CACNA1E: variants seen among roughly 807,000 people sequenced by gnomAD.
The protein encoded by CACNA1E is calcium voltage-gated channel subunit alpha1 E.
Under a neutral mutation model 259.2 loss-of-function variants are expected in CACNA1E, and 40 were observed. The observed-to-expected ratio is 0.15, with a 90% CI of 0.12 to 0.20. CACNA1E has a LOEUF of 0.20. CACNA1E is among the 10% of genes least tolerant of loss of function. The probability of loss-of-function intolerance (pLI) is 1.00; values close to 1 mark genes in which losing one functional copy is unlikely to be tolerated. For synonymous variants in CACNA1E, 1,104 were observed against 1,138.5 expected (o/e 0.97, Z 0.61); for missense variants, 1,874 against 3,040.1 (o/e 0.62, Z 9.02).
chr1:181,358,711 A>T (rs550388667), intron 1 of CACNA1E, among the ~76,000 whole-genome samples: 3 of 152,240 alleles, frequency 2.0e-5, no homozygotes, highest in African/African-American at 7.2e-5. Context: ...GCTCTGCTTT[A>T]TTCATAATGA....
chr1:181,633,975 C>T (rs1027023259), intron 6 of CACNA1E, among the ~76,000 whole-genome samples: 1 of 152,178 alleles, frequency 6.6e-6, no homozygotes, highest in Non-Finnish European at 1.5e-5. Flanking sequence ...ACAGAGATAA[C>T]CTGTCCAGGT....
intron 6 of CACNA1E, among the ~76,000 whole-genome samples, chr1:181,600,792 T>C (rs946374700): frequency 3.3e-5 from 5 of 152,108 alleles, no homozygotes; most frequent in African/African-American, 1.2e-4. Flanking sequence ...GACATCTGAG[T>C]CTGGAGCTGG....
chr1:181,711,193 T>C (rs1653325147), intron 8 of CACNA1E, 124 bp downstream of exon 8: 7 of 685,452 alleles, frequency 1.0e-5, no homozygotes, highest in Non-Finnish European at 1.8e-5. Flanking sequence ...CTCTGGATGC[T>C]TGGTTGGCTC....
At chr1:181,482,757 T>A (rs1288950600), upstream of CACNA1E, among the ~76,000 whole-genome samples, 1 of 152,246 alleles carries the variant, frequency 6.6e-6, no homozygotes, top group African/African-American at 2.4e-5. Flanking sequence ...TGTGGACAAG[T>A]GTGGTGCCAG....
At chr1:181,405,135 A>G (rs1176675736) in intron 1 of CACNA1E, among the ~76,000 whole-genome samples, 4 of 152,210 alleles carry the variant, frequency 2.6e-5, no homozygotes, top group African/African-American at 9.6e-5. Context: ...CCATAACTTT[A>G]CTGCAGTACC....
intron 1 of CACNA1E, among the ~76,000 whole-genome samples, chr1:181,328,063 C>T (rs892091054): frequency 6.6e-6 from 1 of 152,208 alleles, no homozygotes; most frequent in Non-Finnish European, 1.5e-5. Context: ...GTTTCAGAAG[C>T]AAGTGTCTTT....
intron 3 of CACNA1E, among the ~76,000 whole-genome samples, chr1:181,577,382 G>C (rs16857712): frequency 0.12 from 18,807 of 152,086 alleles, 1,425 homozygotes; most frequent in South Asian, 0.22. Flanking sequence ...GGGAACCTAA[G>C]AAAATTTTGA....
rs776066299 is a variant in CACNA1E at position 181,756,984 on chromosome 1, G to A, written c.4187G>A (p.Arg1396His). ...GACCGAGGCCCAAGCCGCAGCAACC[G>A]CATGGAGATGTCTATCTTTTATGTA... Reference protein sequence around the residue: ...EEDRGPSRSNRMEMSIFYVVY... With the variant: ...EEDRGPSRSNHMEMSIFYVVY... The change falls in exon 30 of 48, where the codon CGC (arginine) becomes CAC (histidine). Residue 1396 changes from arginine (R) to histidine (H), a missense_variant. Arg to His is a conservative substitution (Grantham distance 29). Transcript: ENST00000367573. The A allele has an allele frequency of 5.0e-6, 8 of 1,613,584 alleles. No individual in the cohort carries two copies. Among genetic ancestry groups the A allele is most frequent in the South Asian group, 1.1e-5 (1 of 91,080 alleles).
At chr1:181,475,938 T>C (rs2102429760) in intron 2 of CACNA1E, among the ~76,000 whole-genome samples, 1 of 151,942 alleles carries the variant, frequency 6.6e-6, no homozygotes, top group Admixed American at 6.5e-5. Flanking sequence ...AAGGATATAA[T>C]CTTGAAGGGA....
rs1194764331 is a variant in CACNA1E, at chr1:181,485,111, T to G, written c.266+1101T>G. On this transcript the variant is annotated intron_variant, in intron 1 of 47. Transcript: ENST00000367573. This position sits in a 1 kb window ranked among gnomAD's most constrained non-coding sequence, Gnocchi z 4.2. ...GGCAAGCTAGTGGTCTGGCGTTAAA[T>G]ATGGGGATGGGGTTGGAGACATGGG... 6.6e-6 allele frequency among the ~76,000 whole-genome samples: 1 copy of G among 152,322 alleles called. No homozygotes were observed. Among genetic ancestry groups the G allele is most frequent in the South Asian group, 2.1e-4 (1 of 4,828 alleles).
chr1:181,618,868 C>CT (rs1360833471), intron 6 of CACNA1E, among the ~76,000 whole-genome samples: 2 of 152,162 alleles, frequency 1.3e-5, no homozygotes, highest in Admixed American at 6.5e-5. Flanking sequence ...TTATGTTACA[C>CT]TTTAAGTTGT....
intron 6 of CACNA1E, among the ~76,000 whole-genome samples, chr1:181,594,214 A>T (rs1652938913): frequency 6.6e-6 from 1 of 151,874 alleles, no homozygotes; most frequent in Non-Finnish European, 1.5e-5. Context: ...TTGCAAATGC[A>T]TAATATTGCT....
rs144708452 is a variant in CACNA1E at position 181,388,611 on chromosome 1, G to A, written c.-14-24522G>A. Among the ~76,000 whole-genome samples, 968 of 152,222 alleles carry A rather than the reference G, an allele frequency of 6.4e-3. 4 individuals carry two copies. The highest frequency in any genetic ancestry group is 0.024 in the South Asian group (115 of 4,812). ...CAATAAAAATATGGTATTATAAGCC[G>A]GGCACGGTGACTCACGCTTGTAATC... is the stretch of plus-strand genomic sequence containing the variant. On this transcript the variant is annotated intron_variant, in intron 1 of 11. Transcript: ENST00000524607.
At chr1:181,487,023 ATT>A (rs113857890) in intron 1 of CACNA1E, among the ~76,000 whole-genome samples, 4,993 of 145,280 alleles carry the variant, frequency 0.034, 235 homozygotes, top group African/African-American at 0.11. Context: ...TAAGTGCCAG[ATT>A]TTTTTTTTTT....
At chr1:181,786,852 C>T (rs924299623) in intron 43 of CACNA1E, among the ~76,000 whole-genome samples, 1 of 152,186 alleles carries the variant, frequency 6.6e-6, no homozygotes, top group Non-Finnish European at 1.5e-5. Flanking sequence ...TCATTGATTT[C>T]TTTCTGCCTG....
chr1:181,643,043 C>CG (rs1657942797), intron 6 of CACNA1E, among the ~76,000 whole-genome samples: 1 of 152,160 alleles, frequency 6.6e-6, no homozygotes, highest in African/African-American at 2.4e-5. Context: ...ACATTTTTCA[C>CG]TGTTTTGACT....
At chr1:181,570,765 G>C (rs1275162341) in intron 3 of CACNA1E, among the ~76,000 whole-genome samples, 1 of 152,128 alleles carries the variant, frequency 6.6e-6, no homozygotes, top group East Asian at 1.9e-4. Context: ...TTTCTTGTAA[G>C]GGCACCTGTG....
chr1:181,557,747 G>A (rs556019914), intron 3 of CACNA1E, among the ~76,000 whole-genome samples: 11 of 152,286 alleles, frequency 7.2e-5, no homozygotes, highest in Non-Finnish European at 1.3e-4. Context: ...AACCATCCAT[G>A]GGTCTCAGTG....
intron 12 of CACNA1E, among the ~76,000 whole-genome samples, chr1:181,718,649 CA>C (rs1654141998): frequency 6.6e-6 from 1 of 151,036 alleles, no homozygotes; most frequent in African/African-American, 2.5e-5. Context: ...CACACACACA[CA>C]CACACACACA....
Sources: allele counts gnomAD v4.1 joint callset (sites outside exome capture counted in the v4.1 genomes callset), GRCh38; gene constraint gnomAD v4.1.1; non-coding constraint Gnocchi (gnomAD v3.1); transcripts MANE v1.5; gene names NCBI Gene and HGNC (gene_info 2026-07-23, HGNC 2026-07-21).